CNTN3: variants seen among roughly 807,000 people sequenced by gnomAD.
CNTN3 encodes contactin 3.
In CNTN3, 60 loss-of-function variants were observed where a neutral mutation model predicts 119.1. That is an observed-to-expected ratio of 0.50 (90% CI 0.41 to 0.62). CNTN3 has a LOEUF of 0.62. CNTN3 is among the 20% of genes least tolerant of loss of function. The pLI is 0.00. For missense variants in CNTN3, 1,101 were observed against 1,242.4 expected (o/e 0.89, Z 1.71); for synonymous variants, 450 against 438.7 (o/e 1.03, Z -0.32).
intron 2 of CNTN3, among the ~76,000 whole-genome samples, chr3:74,508,445 T>C (rs980077843): frequency 6.6e-6 from 1 of 152,134 alleles, no homozygotes; most frequent in African/African-American, 2.4e-5. Flanking sequence ...GGTGCGGAGA[T>C]TGGGGTATGT....
At chr3:74,605,927 GCAAA>G (rs1473641386) in intron 1 of CNTN3, among the ~76,000 whole-genome samples, 1 of 152,102 alleles carries the variant, frequency 6.6e-6, no homozygotes, top group East Asian at 1.9e-4. Context: ...CCACCATCTT[GCAAA>G]CAGTCTATTA....
At position 74,369,990 on chromosome 3, in the gene CNTN3, A is replaced by G. The variant is rs1480746640; in HGVS notation, c.660T>C (p.Gly220=). 1 of 1,515,672 alleles carries G rather than the reference A, an allele frequency of 6.6e-7. No individual in the cohort carries two copies. The highest frequency in any genetic ancestry group is 1.1e-5 in the South Asian group (1 of 87,674). The allele number at this position is 1,515,672 out of a possible 1,614,324, so 93.9% of individuals were successfully genotyped here. A position where few individuals can be genotyped will look rare whatever the true frequency, so the allele number is the denominator to read the frequency against. The change falls in exon 7 of 23, where the codon GGT becomes GGC. Residue 220 remains glycine, a splice_region_variant and synonymous_variant. Transcript: ENST00000263665. ...SPTPLVLRSD[G]VMGEYEPKIE... is the part of the protein sequence containing the mutation. ...TTTTAGGTTCATATTCACCCATCAC[A>G]CCTATAAATCCACAATATAAAGTTA...
intron 1 of CNTN3, among the ~76,000 whole-genome samples, chr3:74,556,015 T>A (rs1332910691): frequency 6.6e-6 from 1 of 152,180 alleles, no homozygotes; most frequent in African/African-American, 2.4e-5. Context: ...TTCTTATTGC[T>A]GAGTTTTATG....
rs776810565 is a variant in CNTN3, at chr3:74,285,498, G to T, written c.2518-7C>A. On this transcript the variant is annotated splice_region_variant and splice_polypyrimidine_tract_variant and intron_variant, in intron 19 of 22. Coordinates refer to ENST00000263665, the MANE Select transcript of CNTN3 (RefSeq NM_020872.3). ...CCCCATTCCAGTACCGCACCTGGTG[G>T]GCGGAAGACACCAAACATGTGAAGG... 5.6e-6 allele frequency: 9 copies of T among 1,599,114 alleles called. No homozygotes were observed. The highest frequency in any genetic ancestry group is 6.8e-6 in the Non-Finnish European group (8 of 1,174,052).
chr3:74,372,460 C>G (rs760767749), intron 5 of CNTN3, among the ~76,000 whole-genome samples: 5 of 151,926 alleles, frequency 3.3e-5, no homozygotes, highest in Non-Finnish European at 5.9e-5. Flanking sequence ...TTGTTCAGTG[C>G]CAAGTTGAGA....
chr3:74,273,072 A>G (rs1419230668), intron 20 of CNTN3, among the ~76,000 whole-genome samples: 1 of 152,196 alleles, frequency 6.6e-6, no homozygotes, highest in African/African-American at 2.4e-5. Context: ...GAAATTTGGA[A>G]AACTTTGCAA....
chr3:74,506,737 GA>G (rs35051185), intron 2 of CNTN3, among the ~76,000 whole-genome samples: 299 of 13,776 alleles, frequency 0.022, 1 homozygote, highest in African/African-American at 0.043. Flanking sequence ...CCATTTATCT[GA>G]AAAAAAAAAA....
At chr3:74,544,434 G>C (rs1382111628) in intron 1 of CNTN3, among the ~76,000 whole-genome samples, 1 of 152,124 alleles carries the variant, frequency 6.6e-6, no homozygotes, top group Non-Finnish European at 1.5e-5. Flanking sequence ...AAGATTTAAT[G>C]ATGTACAGAT....
At chr3:74,554,101 G>A (rs945989112) in intron 1 of CNTN3, among the ~76,000 whole-genome samples, 1 of 152,138 alleles carries the variant, frequency 6.6e-6, no homozygotes, top group African/African-American at 2.4e-5. Flanking sequence ...TGTATAAGGT[G>A]TAAGGAAGGG....
At position 74,287,188 on chromosome 3, in the gene CNTN3, C is replaced by T. The variant is rs189274926; in HGVS notation, c.2518-1697G>A. Among the ~76,000 whole-genome samples, 253 of 152,268 alleles carry T rather than the reference C, an allele frequency of 1.7e-3. 1 individual carries two copies. Among genetic ancestry groups the T allele is most frequent in the African/African-American group, 5.8e-3 (243 of 41,570 alleles). ...ACTCCAATTTCTTGATGAGGCAATA[C>T]AATTTTTTCCTTCAGAATCATAAAA... On this transcript the variant is annotated intron_variant, in intron 19 of 22. Transcript: ENST00000263665.
chr3:74,365,437 A>T (rs1704165657), intron 9 of CNTN3, 129 bp downstream of exon 9: 29 of 1,193,238 alleles, frequency 2.4e-5, no homozygotes, highest in Non-Finnish European at 3.5e-5. Context: ...CTTAGAAGTA[A>T]AGGAAAGTGT....
chr3:74,329,287 G>T (rs1365070803), intron 13 of CNTN3, among the ~76,000 whole-genome samples: 1 of 152,100 alleles, frequency 6.6e-6, no homozygotes, highest in Non-Finnish European at 1.5e-5. Context: ...CCATTTAAAT[G>T]AATGGCAGAT....
At chr3:74,533,275 T>C (rs1249164470) in intron 1 of CNTN3, among the ~76,000 whole-genome samples, 2 of 152,034 alleles carry the variant, frequency 1.3e-5, no homozygotes, top group East Asian at 3.9e-4. Context: ...CACTTCCTTC[T>C]CTTAACTCTG....
chr3:74,285,575 G>A, intron 19 of CNTN3, 84 bp from the exon 20 acceptor site: 3 of 1,338,780 alleles, frequency 2.2e-6, no homozygotes, highest in Non-Finnish European at 3.1e-6. Flanking sequence ...AATGGGCACT[G>A]ACTTATTTCC....
intron 13 of CNTN3, among the ~76,000 whole-genome samples, chr3:74,329,726 A>G (rs2106696068): frequency 6.6e-6 from 1 of 152,308 alleles, no homozygotes; most frequent in Non-Finnish European, 1.5e-5. Context: ...GCTAAGCTCT[A>G]TTTAAAAGTA....
chr3:74,301,326 G>C, intron 16 of CNTN3, 72 bp downstream of exon 16: 1 of 1,482,444 alleles, frequency 6.7e-7, no homozygotes, highest in Non-Finnish European at 9.2e-7. Context: ...TGCTGGCCTG[G>C]AGTTCAGGGC....
At chr3:74,531,784 G>C (rs565125690) in intron 1 of CNTN3, among the ~76,000 whole-genome samples, 11 of 152,048 alleles carry the variant, frequency 7.2e-5, no homozygotes, top group African/African-American at 2.4e-4. Flanking sequence ...TTCTGCAAGA[G>C]AGTGACAACA....
chr3:74,576,955 C>T (rs531102032), intron 1 of CNTN3, among the ~76,000 whole-genome samples: 1 of 152,166 alleles, frequency 6.6e-6, no homozygotes, highest in Non-Finnish European at 1.5e-5. Context: ...TAGTGAGCAA[C>T]CTTGGCCTTC....
At chr3:74,347,010 C>T (rs1703707103) in intron 11 of CNTN3, among the ~76,000 whole-genome samples, 2 of 152,072 alleles carry the variant, frequency 1.3e-5, no homozygotes, top group African/African-American at 4.8e-5. Flanking sequence ...GAGTGAAATG[C>T]ACTTCAACAA....
Sources: gnomAD v4.1 joint callset for allele counts (sites outside exome capture counted in the v4.1 genomes callset) on GRCh38, gnomAD v4.1.1 for gene constraint, MANE v1.5 for transcripts, NCBI Gene and HGNC (gene_info 2026-07-23, HGNC 2026-07-21) for gene names.